The following CERS1 variants were observed in gnomAD, a reference collection of about 807,000 sequenced individuals.
The protein encoded by CERS1 is ceramide synthase 1, also known as Embryonic growth/differentiation factor 1.
A neutral mutation model predicts 35.7 loss-of-function variants in CERS1; 16 were observed. That is an observed-to-expected ratio of 0.45 (90% CI 0.30 to 0.68). CERS1 has a LOEUF of 0.68. CERS1 is among the 30% of genes least tolerant of loss of function. The pLI is 0.08. For synonymous variants in CERS1, 243 were observed against 201.6 expected (o/e 1.21, Z -1.74); for missense variants, 454 against 453.9 (o/e 1.00, Z 0.00).
chr19:18,886,235 G>GTC (rs1289063695), intron 2 of CERS1, among the ~76,000 whole-genome samples: 1 of 150,446 alleles, frequency 6.6e-6, no homozygotes, highest in Non-Finnish European at 1.5e-5. Context: ...GTGAGACGCT[G>GTC]TCTCTGCAAA....
intron 6 of CERS1, among the ~76,000 whole-genome samples, chr19:18,873,274 G>C (rs953693945): frequency 6.6e-6 from 1 of 152,118 alleles, no homozygotes; most frequent in Non-Finnish European, 1.5e-5. Context: ...ATGGCACTCA[G>C]GGGAGCTGCG....
At chr19:18,890,021 C>A (rs2056453327) in intron 2 of CERS1, among the ~76,000 whole-genome samples, 1 of 152,246 alleles carries the variant, frequency 6.6e-6, no homozygotes, top group Non-Finnish European at 1.5e-5. Context: ...TGTCAGCCCC[C>A]TCCTGGACCC....
At position 18,886,359 on chromosome 19, in the gene CERS1, T is replaced by C. The variant is rs574574535; in HGVS notation, c.410-2092A>G. Among the ~76,000 whole-genome samples the C allele has an allele frequency of 5.7e-4, 86 of 152,040 alleles. 1 individual carries two copies. Among genetic ancestry groups the C allele is most frequent in the Admixed American group, 3.8e-3 (58 of 15,258 alleles). ...GGTCAGGAGATCAAGACCATCCTGG[T>C]TAACACAGTGAAACCCCGTCTCTAC... On this transcript the variant is annotated intron_variant, in intron 2 of 7. Transcript: ENST00000623882.
At chr19:18,893,659 G>T in intron 1 of CERS1, 84 bp from the exon 2 acceptor site, 1 of 1,391,744 alleles carries the variant, frequency 7.2e-7, no homozygotes. Flanking sequence ...GAGGCCCAGG[G>T]ACTCCCCAGG....
At chr19:18,869,890 C>T (rs1451828547) in intron 7 of CERS1, 93 bp downstream of exon 7, 7 of 1,282,528 alleles carry the variant, frequency 5.5e-6, no homozygotes, top group Non-Finnish European at 7.7e-6. Flanking sequence ...TGGGGACCCT[C>T]GGAGCTGCTC....
In CERS1 at chr19:18,869,143, C is replaced by T; in HGVS notation, c.*842G>A. The T allele has an allele frequency of 1.8e-6, 2 of 1,114,176 alleles. No homozygotes were observed. Among genetic ancestry groups the T allele is most frequent in the Non-Finnish European group, 2.2e-6 (2 of 912,054 alleles). The allele number at this position is 1,114,176 out of a possible 1,614,324, so 69.0% of individuals were successfully genotyped here. The stretch of plus-strand genomic sequence containing the variant: ...CCAGCAGCTCCGCGCGCACTGGCGG[C>T]CCCAGGGCGGGCACCAACTGGCGGA... On this transcript the variant is annotated 3_prime_UTR_variant, in exon 8 of 8. Coordinates refer to ENST00000623882, the MANE Select transcript of CERS1 (RefSeq NM_021267.5).
At chr19:18,879,207 C>G in intron 5 of CERS1, 34 bp downstream of exon 5, 1 of 1,612,206 alleles carries the variant, frequency 6.2e-7, no homozygotes, top group Non-Finnish European at 8.5e-7. Flanking sequence ...GAGGACGGGA[C>G]CGCCACTGTG....
At chr19:18,883,330 T>C (rs1474072904) in intron 3 of CERS1, 1 of 152,214 alleles carries the variant, frequency 6.6e-6, no homozygotes. Context: ...TAATGCATTC[T>C]AATTAATTCA....
At chr19:18,872,724 C>CTGGTTTAGTAGAGATGCGGTTTTTAGTAG (rs2055996687) in intron 6 of CERS1, among the ~76,000 whole-genome samples, 3 of 152,218 alleles carry the variant, frequency 2.0e-5, no homozygotes, top group African/African-American at 7.2e-5. Context: ...CCATGTTGGC[C>CTGGTTTAGTAGAGATGCGGTTTTTAGTAG]AGGCTGGTCT....
At chr19:18,894,221 C>T (rs1331003649) in intron 1 of CERS1, among the ~76,000 whole-genome samples, 1 of 149,904 alleles carries the variant, frequency 6.7e-6, no homozygotes, top group Non-Finnish European at 1.5e-5. Context: ...AAGCTGCTGG[C>T]TCCAAGGCAG....
intron 6 of CERS1, among the ~76,000 whole-genome samples, chr19:18,874,095 G>T (rs1026141389): frequency 3.9e-5 from 6 of 152,066 alleles, no homozygotes; most frequent in Admixed American, 3.3e-4. Flanking sequence ...AGGCAAGCTG[G>T]GTGAACATCC....
chr19:18,878,768 A>G lies in CERS1; in HGVS notation c.1010+162T>C. On this transcript the variant is annotated intron_variant, in intron 6 of 7. Transcript: ENST00000623882. This position sits in a 1 kb window ranked among gnomAD's most constrained non-coding sequence, Gnocchi z 4.6. ...TCCTGTCCTTCAGGGTACTGGCCAC[A>G]TCGTCCACGCCTTTATTGCAGTCTC... 7.0e-7 allele frequency: 1 copy of G among 1,438,526 alleles called. No individual in the cohort carries two copies. The highest frequency in any genetic ancestry group is 9.1e-7 in the Non-Finnish European group (1 of 1,094,886). The allele number at this position is 1,438,526 out of a possible 1,614,324, so 89.1% of individuals were successfully genotyped here.
At chr19:18,884,391 A>T in intron 2 of CERS1, 124 bp from the exon 3 acceptor site, 3 of 826,214 alleles carry the variant, frequency 3.6e-6, no homozygotes, top group Non-Finnish European at 5.4e-6. Context: ...TGCGTGTCTG[A>T]CTGCTGGCTT....
chr19:18,878,468 A>G lies in CERS1; in HGVS notation c.1010+462T>C. Reference sequence around the variant, plus strand: ...CAGTGGGCTCCCCTGTCAAACTCAGAGGCCAGGATGTCTCGGCCCAGATGG... The same window carrying G: ...CAGTGGGCTCCCCTGTCAAACTCAGGGGCCAGGATGTCTCGGCCCAGATGG... On this transcript the variant is annotated intron_variant, in intron 6 of 7. Transcript: ENST00000623882. This position sits in a 1 kb window ranked among gnomAD's most constrained non-coding sequence, Gnocchi z 4.6. The G allele has an allele frequency of 3.0e-6, 3 of 990,802 alleles. No homozygotes were observed. The highest frequency in any genetic ancestry group is 3.6e-6 in the Non-Finnish European group (3 of 832,914). The allele number at this position is 990,802 out of a possible 1,614,324, so 61.4% of individuals were successfully genotyped here.
Position 18,878,968 on chromosome 19 carries a change from G to A in CERS1, c.972C>T (p.Asp324=). The change falls in exon 6 of 8, where the codon GAC becomes GAT. Residue 324 remains aspartate, a synonymous_variant. Coordinates refer to ENST00000623882, the MANE Select transcript of CERS1 (RefSeq NM_021267.5). The surrounding 1 kb of genome is among the most constrained non-coding windows in gnomAD (Gnocchi z 4.6). Reference sequence around the variant, plus strand: ...GCTTCAGGCTCTGGGCCTCGGCTGTGTCATACTCCCGCAGGTCCTTCAGCT... The same window carrying A: ...GCTTCAGGCTCTGGGCCTCGGCTGTATCATACTCCCGCAGGTCCTTCAGCT... ...VHELKDLREY[D]TAEAQSLKPS... 1 of 1,613,814 alleles carries A rather than the reference G, an allele frequency of 6.2e-7. No individual in the cohort carries two copies. The highest frequency in any genetic ancestry group is 2.2e-5 in the East Asian group (1 of 44,888).
At position 18,893,465 on chromosome 19, in the gene CERS1, C is replaced by T; in HGVS notation, c.360G>A (p.Leu120=). 1 of 1,607,070 alleles carries T rather than the reference C, an allele frequency of 6.2e-7. No homozygotes were observed. Among genetic ancestry groups the T allele is most frequent in the Non-Finnish European group, 8.5e-7 (1 of 1,177,028 alleles). The part of the protein sequence containing the change: ...LGSWSYSAYL[L]FGTDYPFFHD... ...GGAAGAAGGGGTAGTCGGTGCCAAA[C>T]AGCAGGTAGGCACTGTAGCTCCAGC... Residue 120 remains leucine (L), a synonymous_variant, in exon 2 of 8, where the codon CTG becomes CTA. Coordinates refer to ENST00000623882, the MANE Select transcript of CERS1 (RefSeq NM_021267.5).
intron 2 of CERS1, among the ~76,000 whole-genome samples, chr19:18,891,151 G>A (rs1031949039): frequency 6.6e-6 from 1 of 151,590 alleles, no homozygotes; most frequent in African/African-American, 2.4e-5. Flanking sequence ...ATGAGAGTTC[G>A]ATCATGGGTC....
rs2146018987 is a variant in CERS1 at position 18,880,429 on chromosome 19, G to A, written c.597C>T (p.His199=). 1 of 1,584,252 alleles carries A rather than the reference G, an allele frequency of 6.3e-7. No individual in the cohort carries two copies. The highest frequency in any genetic ancestry group is 1.1e-5 in the South Asian group (1 of 87,092). ...GGAAGAGCACAAGGATGCCCACATTGTGGTACCTGGGGGAGCAGCAGGCAG... is the reference window on the plus strand; with the variant it reads ...GGAAGAGCACAAGGATGCCCACATTATGGTACCTGGGGGAGCAGCAGGCAG... ...LIVSSYAFRY[H]NVGILVLFLH... The change falls in exon 4 of 8, where the codon CAC becomes CAT. Residue 199 remains histidine (H), a synonymous_variant. Transcript: ENST00000623882.
chr19:18,881,221 A>T (rs1290293099), intron 3 of CERS1, among the ~76,000 whole-genome samples: 16 of 138,474 alleles, frequency 1.2e-4, no homozygotes, highest in African/African-American at 3.5e-4. Context: ...TTTTTTTTTA[A>T]TTTTTTTTTT....
Sources: allele counts gnomAD v4.1 joint callset (sites outside exome capture counted in the v4.1 genomes callset), GRCh38; gene constraint gnomAD v4.1.1; non-coding constraint Gnocchi (gnomAD v3.1); transcripts MANE v1.5; gene names NCBI Gene and HGNC (gene_info 2026-07-23, HGNC 2026-07-21).